GBE1: variants seen among roughly 807,000 people sequenced by gnomAD.
GBE1 encodes 1,4-alpha-glucan-branching enzyme.
A neutral mutation model predicts 88.8 loss-of-function variants in GBE1; 70 were observed. That is an observed-to-expected ratio of 0.79 (90% CI 0.65 to 0.96). GBE1 has a LOEUF of 0.96. Ranked by LOEUF, GBE1 falls within the 40% of genes least tolerant of loss-of-function variation. The pLI is 0.00. For missense variants in GBE1, 872 were observed against 871.0 expected (o/e 1.00, Z -0.01); for synonymous variants, 284 against 300.1 (o/e 0.95, Z 0.56).
chr3:81,650,402 C>A (rs918478949), intron 3 of GBE1: 2 of 154,692 alleles, frequency 1.3e-5, no homozygotes, highest in African/African-American at 4.8e-5. Context: ...ACACAATGTG[C>A]ACGCACAGAC....
intron 10 of GBE1, among the ~76,000 whole-genome samples, chr3:81,584,435 C>T (rs1398679912): frequency 6.6e-6 from 1 of 151,984 alleles, no homozygotes; most frequent in African/African-American, 2.4e-5. Context: ...TTTTTAAATG[C>T]ACCAGTTACA....
chr3:81,555,374 A>T (rs1242975500), intron 12 of GBE1, among the ~76,000 whole-genome samples: 1 of 152,192 alleles, frequency 6.6e-6, no homozygotes, highest in Non-Finnish European at 1.5e-5. Flanking sequence ...AAACTCTTCC[A>T]TATGGCTAAC....
chr3:81,709,309 C>T (rs373837237), intron 1 of GBE1, among the ~76,000 whole-genome samples: 129 of 152,120 alleles, frequency 8.5e-4, no homozygotes, highest in African/African-American at 2.7e-3. Flanking sequence ...AGAAAAGGTT[C>T]TTTGTGTGTG....
chr3:81,578,529 G>C (rs1052848523), intron 11 of GBE1, among the ~76,000 whole-genome samples: 5 of 150,594 alleles, frequency 3.3e-5, no homozygotes, highest in African/African-American at 4.9e-5. Context: ...ATATTATTTT[G>C]CTCATATATA....
At chr3:81,576,251 T>C (rs13082077) in intron 12 of GBE1, among the ~76,000 whole-genome samples, 19,609 of 151,646 alleles carry the variant, frequency 0.13, 1,810 homozygotes, top group East Asian at 0.37. Context: ...ATGATAACTA[T>C]AATAATCATA....
At chr3:81,568,381 C>T (rs1703526353) in intron 12 of GBE1, among the ~76,000 whole-genome samples, 1 of 152,194 alleles carries the variant, frequency 6.6e-6, no homozygotes, top group Non-Finnish European at 1.5e-5. Context: ...CTTCTGACAT[C>T]AAGTGATCCA....
intron 12 of GBE1, among the ~76,000 whole-genome samples, chr3:81,568,406 C>T (rs1703526554): frequency 6.6e-6 from 1 of 152,164 alleles, no homozygotes; most frequent in South Asian, 2.1e-4. Context: ...CCTCAGCCTC[C>T]CAAAATTGTG....
intron 6 of GBE1, among the ~76,000 whole-genome samples, chr3:81,646,134 A>T (rs1328327106): frequency 6.6e-6 from 1 of 152,196 alleles, no homozygotes; most frequent in Admixed American, 6.5e-5. Flanking sequence ...GTGGGCTCCA[A>T]ATGAGTGACA....
chr3:81,527,070 T>A (rs1333004116), intron 14 of GBE1, among the ~76,000 whole-genome samples: 1 of 151,892 alleles, frequency 6.6e-6, no homozygotes, highest in Non-Finnish European at 1.5e-5. Context: ...ATGCCGCATA[T>A]CTACAACCGT....
intron 1 of GBE1, among the ~76,000 whole-genome samples, chr3:81,720,816 G>A (rs1443792300): frequency 6.6e-6 from 1 of 150,410 alleles, no homozygotes; most frequent in Non-Finnish European, 1.5e-5. Context: ...GTCCAACAAT[G>A]ATAGACTGGA....
intron 2 of GBE1, among the ~76,000 whole-genome samples, chr3:81,683,794 T>C (rs1265259202): frequency 1.3e-5 from 2 of 152,164 alleles, no homozygotes; most frequent in Admixed American, 1.3e-4. Flanking sequence ...TGACAAAGAA[T>C]TGAGGGAGGG....
intron 7 of GBE1, among the ~76,000 whole-genome samples, chr3:81,604,159 C>T (rs545635323): frequency 5.3e-5 from 8 of 151,976 alleles, no homozygotes; most frequent in East Asian, 1.9e-4. Flanking sequence ...ATTGTCTAAA[C>T]GTTAAGAACC....
chr3:81,698,767 G>A (rs1188665455), intron 2 of GBE1, among the ~76,000 whole-genome samples: 1 of 152,098 alleles, frequency 6.6e-6, no homozygotes. Flanking sequence ...AGTATTCTGT[G>A]GGAATCAGTC....
At chr3:81,609,086 G>A (rs549171910) in intron 7 of GBE1, among the ~76,000 whole-genome samples, 2 of 152,254 alleles carry the variant, frequency 1.3e-5, no homozygotes, top group African/African-American at 4.8e-5. Flanking sequence ...GAATCCTCTA[G>A]TCCCACCTCT....
chr3:81,607,245 T>A (rs1048732287), intron 7 of GBE1, among the ~76,000 whole-genome samples: 1 of 152,168 alleles, frequency 6.6e-6, no homozygotes, highest in Non-Finnish European at 1.5e-5. Flanking sequence ...CTTCATAAAG[T>A]TTATTTAAAA....
chr3:81,564,888 T>G (rs2106915045), intron 12 of GBE1, among the ~76,000 whole-genome samples: 1 of 152,256 alleles, frequency 6.6e-6, no homozygotes, highest in Non-Finnish European at 1.5e-5. Flanking sequence ...TAAAATTATT[T>G]GGTGAGATTT....
intron 1 of GBE1, among the ~76,000 whole-genome samples, chr3:81,761,108 C>G (rs1015129439): frequency 6.6e-6 from 1 of 152,236 alleles, no homozygotes; most frequent in African/African-American, 2.4e-5. Context: ...TACCCTATGG[C>G]GCAAGACCGC....
At chr3:81,530,192 G>A (rs1277747830) in intron 14 of GBE1, among the ~76,000 whole-genome samples, 1 of 150,622 alleles carries the variant, frequency 6.6e-6, no homozygotes. Context: ...CAATCTCTCT[G>A]TTAAATTCAT....
intron 14 of GBE1, among the ~76,000 whole-genome samples, chr3:81,503,634 G>A (rs1298002359): frequency 6.6e-6 from 1 of 152,136 alleles, no homozygotes; most frequent in Non-Finnish European, 1.5e-5. Flanking sequence ...CTGAATTAGG[G>A]AATCAGAAGT....
Sources: allele counts gnomAD v4.1 joint callset (sites outside exome capture counted in the v4.1 genomes callset), GRCh38; gene constraint gnomAD v4.1.1; transcripts MANE v1.5; gene names NCBI Gene and HGNC (gene_info 2026-07-23, HGNC 2026-07-21).